GALNT13: variants seen among roughly 807,000 people sequenced by gnomAD.
GALNT13 encodes polypeptide N-acetylgalactosaminyltransferase 13.
Under a neutral mutation model 64.2 loss-of-function variants are expected in GALNT13, and 28 were observed. The observed-to-expected ratio is 0.44, with a 90% CI of 0.32 to 0.60. GALNT13 has a LOEUF of 0.60. Ranked by LOEUF, GALNT13 falls within the 20% of genes least tolerant of loss-of-function variation. The pLI is 0.05. For missense variants in GALNT13, 577 were observed against 669.8 expected, an observed-to-expected ratio of 0.86 and a Z score of 1.53; for synonymous variants, 214 against 224.6, an observed-to-expected ratio of 0.95 and a Z score of 0.42.
intron 4 of GALNT13, among the ~76,000 whole-genome samples, chr2:154,205,575 G>T (rs549044791): frequency 6.6e-6 from 1 of 152,260 alleles, no homozygotes; most frequent in Non-Finnish European, 1.5e-5. Context: ...ACCCAAGACT[G>T]GACAACTTAC....
chr2:153,797,436 A>G, the GALNT13 span, among the ~76,000 whole-genome samples: 5 of 152,278 alleles, frequency 3.3e-5, no homozygotes, highest in African/African-American at 1.2e-4. Context: ...ACAAAATAAC[A>G]TTCACTTTAT....
chr2:154,038,551 G>T (rs1698796678), intron 3 of GALNT13, among the ~76,000 whole-genome samples: 1 of 152,016 alleles, frequency 6.6e-6, no homozygotes, highest in Admixed American at 6.6e-5. Context: ...AGGAAAACTG[G>T]ATATATGCAT....
rs562504724 is a variant in GALNT13, at chr2:153,917,146, A to G, written c.-105+16139A>G. The stretch of plus-strand genomic sequence containing the variant: ...TCTGTGCATTTTTTTTTTGCCTAAC[A>G]CAGATTCTTTTGCCAAAAGAAATAT... On this transcript the variant is annotated intron_variant, in intron 2 of 12. Coordinates refer to ENST00000392825, the MANE Select transcript of GALNT13 (RefSeq NM_052917.4). Among the ~76,000 whole-genome samples the G allele has an allele frequency of 1.8e-4, 27 of 151,862 alleles. 1 individual carries two copies. The South Asian group carries it at 5.2e-3, about 29-fold the overall frequency.
chr2:154,416,251 A>T (rs999905462), intron 11 of GALNT13, among the ~76,000 whole-genome samples: 1 of 152,066 alleles, frequency 6.6e-6, no homozygotes, highest in African/African-American at 2.4e-5. Context: ...ACAGTTCTGG[A>T]GGCTGAGAAG....
chr2:153,450,716 C>T, the GALNT13 span, among the ~76,000 whole-genome samples: 2 of 151,978 alleles, frequency 1.3e-5, no homozygotes, highest in African/African-American at 4.8e-5. Context: ...GTGAAGCTGA[C>T]CTTGTAATAT....
the GALNT13 span, among the ~76,000 whole-genome samples, chr2:153,465,134 G>A: frequency 6.6e-6 from 1 of 152,108 alleles, no homozygotes; most frequent in African/African-American, 2.4e-5. Context: ...ACATGTCTGT[G>A]TCTACTAAGA....
In GALNT13 at chr2:154,259,065, A is replaced by G. The variant is rs1328861941; in HGVS notation, c.902A>G (p.Tyr301Cys). 1.2e-6 allele frequency: 2 copies of G among 1,609,920 alleles called. No homozygotes were observed. The change falls in exon 8 of 13, where the codon TAC becomes TGC. Residue 301 changes from tyrosine to cysteine, a missense_variant. Coordinates refer to ENST00000392825, the MANE Select transcript of GALNT13 (RefSeq NM_052917.4). Reference protein sequence around the residue: ...AGGLFSIDRNYFEEIGTYDAG... With the variant: ...AGGLFSIDRNCFEEIGTYDAG... ...GGCCTATTTTCTATTGACAGAAACTACTTTGAAGAGATAGGAACTTACGAT... is the reference window on the plus strand; with the variant it reads ...GGCCTATTTTCTATTGACAGAAACTGCTTTGAAGAGATAGGAACTTACGAT...
chr2:153,576,698 G>A, the GALNT13 span, among the ~76,000 whole-genome samples: 1 of 152,184 alleles, frequency 6.6e-6, no homozygotes, highest in Non-Finnish European at 1.5e-5. Flanking sequence ...GTGATAGGAA[G>A]ATAAAACTAG....
intron 4 of GALNT13, among the ~76,000 whole-genome samples, chr2:154,193,216 T>A (rs575574686): frequency 6.6e-6 from 1 of 152,380 alleles, no homozygotes; most frequent in Non-Finnish European, 1.5e-5. Flanking sequence ...AAATAATTTA[T>A]AATTGTTATA....
chr2:154,354,567 T>C (rs1696614771), intron 9 of GALNT13, among the ~76,000 whole-genome samples: 1 of 151,962 alleles, frequency 6.6e-6, no homozygotes, highest in Non-Finnish European at 1.5e-5. Flanking sequence ...AGTCCTTTGT[T>C]CATTTTGAGT....
At chr2:153,205,399 C>T in the GALNT13 span, among the ~76,000 whole-genome samples, 24,993 of 151,882 alleles carry the variant, frequency 0.16, 2,167 homozygotes, top group Non-Finnish European at 0.19. Flanking sequence ...CTGAGATAGT[C>T]GGTTTTTTAA....
chr2:154,359,002 C>A (rs546851426), intron 9 of GALNT13, among the ~76,000 whole-genome samples: 4 of 152,092 alleles, frequency 2.6e-5, no homozygotes, highest in African/African-American at 4.8e-5. Flanking sequence ...CCCATCTGTT[C>A]GGTTATGCTG....
the GALNT13 span, among the ~76,000 whole-genome samples, chr2:153,698,095 C>T: frequency 6.6e-6 from 1 of 152,096 alleles, no homozygotes; most frequent in Non-Finnish European, 1.5e-5. Flanking sequence ...CTAAAGGAAG[C>T]ACTAAATATG....
intron 9 of GALNT13, among the ~76,000 whole-genome samples, chr2:154,306,317 C>A (rs1309841281): frequency 1.3e-5 from 2 of 151,892 alleles, no homozygotes; most frequent in Non-Finnish European, 2.9e-5. Flanking sequence ...CAACCCCCAA[C>A]AGGCCCTGGT....
At chr2:154,278,680 G>A (rs921711006) in intron 8 of GALNT13, among the ~76,000 whole-genome samples, 2 of 152,108 alleles carry the variant, frequency 1.3e-5, no homozygotes, top group African/African-American at 4.8e-5. Flanking sequence ...AGTGTCAAAT[G>A]CTACAGAGAA....
intron 3 of GALNT13, among the ~76,000 whole-genome samples, chr2:154,101,168 G>GTTA (rs1439948762): frequency 6.6e-6 from 1 of 151,814 alleles, no homozygotes; most frequent in East Asian, 1.9e-4. Context: ...TGTTGTTGTT[G>GTTA]TTGTTGTTGT....
intron 4 of GALNT13, among the ~76,000 whole-genome samples, chr2:154,240,168 G>A (rs2105865890): frequency 6.6e-6 from 1 of 152,260 alleles, no homozygotes; most frequent in South Asian, 2.1e-4. Flanking sequence ...AGAAATGCCT[G>A]AATGTTGACG....
chr2:153,549,044 A>G, the GALNT13 span, among the ~76,000 whole-genome samples: 1 of 152,216 alleles, frequency 6.6e-6, no homozygotes, highest in Admixed American at 6.5e-5. Context: ...ATTTCTATAA[A>G]ATGTCCAGAA....
At chr2:153,986,735 G>A (rs10180782) in intron 3 of GALNT13, among the ~76,000 whole-genome samples, 9,312 of 151,776 alleles carry the variant, frequency 0.061, 595 homozygotes, top group African/African-American at 0.16. Context: ...GAATGCCTAC[G>A]GAAATGAGTC....
Sources: allele counts gnomAD v4.1 joint callset (sites outside exome capture counted in the v4.1 genomes callset), GRCh38; gene constraint gnomAD v4.1.1; transcripts MANE v1.5; gene names NCBI Gene and HGNC (gene_info 2026-07-23, HGNC 2026-07-21).